The following CREB3L2 variants were observed in gnomAD, a reference collection of about 807,000 sequenced individuals.
CREB3L2 encodes the protein cyclic AMP-responsive element-binding protein 3-like protein 2.
CREB3L2 carries 23 observed loss-of-function variants against 57.2 expected under a neutral mutation model. That is an observed-to-expected ratio of 0.40 (90% CI 0.29 to 0.57). CREB3L2 has a LOEUF of 0.57. Among genes scored for constraint, CREB3L2 ranks in the 20% least tolerant of loss-of-function variants. The pLI, the probability that CREB3L2 is intolerant of heterozygous loss-of-function variation, is 0.42. For synonymous variants in CREB3L2, 268 were observed against 265.1 expected, an observed-to-expected ratio of 1.01 and a Z score of -0.11; for missense variants, 628 against 634.7, an observed-to-expected ratio of 0.99 and a Z score of 0.11.
At chr7:137,953,120 TTAAGAA>T (rs1379856806) in intron 1 of CREB3L2, among the ~76,000 whole-genome samples, 2 of 152,230 alleles carry the variant, frequency 1.3e-5, no homozygotes, top group South Asian at 2.1e-4. Flanking sequence ...CCCAGCCAGT[TTAAGAA>T]TATTTCAATC....
chr7:137,920,492 C>G (rs962240046), intron 2 of CREB3L2, among the ~76,000 whole-genome samples: 1 of 152,162 alleles, frequency 6.6e-6, no homozygotes. Flanking sequence ...CACACAGAAA[C>G]AGACAGGTAG....
chr7:137,927,801 A>AAG, intron 2 of CREB3L2, among the ~76,000 whole-genome samples: 1 of 150,562 alleles, frequency 6.6e-6, no homozygotes, highest in Non-Finnish European at 1.5e-5. Context: ...AAAAAAAAAA[A>AAG]ATGGCATGAC....
chr7:137,955,765 C>T (rs1011775508), intron 1 of CREB3L2, among the ~76,000 whole-genome samples: 2 of 152,162 alleles, frequency 1.3e-5, no homozygotes, highest in Middle Eastern at 3.2e-3. Context: ...TAATATGCCT[C>T]GTGTTCCATT....
intron 2 of CREB3L2, among the ~76,000 whole-genome samples, chr7:137,927,326 G>A (rs938606053): frequency 2.7e-5 from 4 of 146,638 alleles, no homozygotes; most frequent in African/African-American, 1.0e-4. Flanking sequence ...CAGGGAGGGA[G>A]CGAGAGGGAG....
chr7:137,935,659 G>A (rs569879728), intron 1 of CREB3L2, among the ~76,000 whole-genome samples: 1 of 152,226 alleles, frequency 6.6e-6, no homozygotes, highest in African/African-American at 2.4e-5. Flanking sequence ...ATCGTAGATA[G>A]TTGCTGCATT....
intron 8 of CREB3L2, among the ~76,000 whole-genome samples, chr7:137,886,036 C>A (rs1300335672): frequency 6.6e-6 from 1 of 152,202 alleles, no homozygotes; most frequent in East Asian, 1.9e-4. Flanking sequence ...CAGCAAGAAG[C>A]TGCTTTTTGT....
chr7:137,904,137 C>T, intron 6 of CREB3L2, 120 bp from the exon 7 acceptor site: 2 of 822,542 alleles, frequency 2.4e-6, no homozygotes, highest in African/African-American at 1.7e-5. Flanking sequence ...AAGCTGCTTG[C>T]CATTTGTTTA....
chr7:137,996,280 G>A (rs1412578534), intron 1 of CREB3L2, among the ~76,000 whole-genome samples: 1 of 152,206 alleles, frequency 6.6e-6, no homozygotes, highest in East Asian at 1.9e-4. Context: ...AAAATTTGAA[G>A]GGATGAAATT....
chr7:137,951,427 T>C (rs1264054679), intron 1 of CREB3L2, among the ~76,000 whole-genome samples: 4 of 152,208 alleles, frequency 2.6e-5, no homozygotes, highest in Non-Finnish European at 5.9e-5. Flanking sequence ...ATATACTGAT[T>C]AGTGATAAAA....
intron 1 of CREB3L2, among the ~76,000 whole-genome samples, chr7:137,965,108 C>T (rs1048070711): frequency 7.9e-5 from 12 of 152,208 alleles, no homozygotes; most frequent in South Asian, 6.2e-4. Flanking sequence ...GATTGTCCAA[C>T]CGGGGAAACA....
chr7:137,979,521 C>G (rs55697037), intron 1 of CREB3L2, among the ~76,000 whole-genome samples: 4 of 152,020 alleles, frequency 2.6e-5, no homozygotes, highest in African/African-American at 4.8e-5. Flanking sequence ...GTCAGGAGAT[C>G]GAGACCATCC....
At chr7:137,985,826 C>T (rs574728103) in intron 1 of CREB3L2, among the ~76,000 whole-genome samples, 1 of 152,162 alleles carries the variant, frequency 6.6e-6, no homozygotes, top group African/African-American at 2.4e-5. Flanking sequence ...CAAATCAATA[C>T]CAGGCGTTGA....
At chr7:137,955,391 C>A in intron 1 of CREB3L2, 2 of 1,006,142 alleles carry the variant, frequency 2.0e-6, no homozygotes, top group Non-Finnish European at 2.7e-6. Context: ...ATTAGTTCTT[C>A]AGCACGGCCA....
chr7:137,980,504 G>T lies in CREB3L2; in HGVS notation c.102+21100C>A, dbSNP rs537685955. On this transcript the variant is annotated intron_variant, in intron 1 of 11. Coordinates refer to ENST00000330387, the MANE Select transcript of CREB3L2 (RefSeq NM_194071.4). The surrounding 1 kb of genome is among the most constrained non-coding windows in gnomAD (Gnocchi z 4.3). ...TCAGTTAAAAAGGTTCCAAACTGGT[G>T]GGGGGCAACCCCAGGCCTAGACAAA... Among the ~76,000 whole-genome samples, 13 of 152,320 alleles carry T rather than the reference G, an allele frequency of 8.5e-5. No individual in the cohort carries two copies. In the South Asian group the frequency reaches 1.2e-3, roughly 15 times the overall value.
At chr7:137,917,047 C>T (rs1322378345) in intron 2 of CREB3L2, among the ~76,000 whole-genome samples, 3 of 152,172 alleles carry the variant, frequency 2.0e-5, no homozygotes, top group Admixed American at 6.5e-5. Context: ...CTCTGCTTAG[C>T]CCTTTGGGAG....
At chr7:137,882,330 C>T in intron 11 of CREB3L2, 82 bp downstream of exon 11, 1 of 1,060,886 alleles carries the variant, frequency 9.4e-7, no homozygotes, top group Non-Finnish European at 1.4e-6. Flanking sequence ...TATGGAGAGT[C>T]TCAACCTCAC....
At chr7:137,924,674 T>C (rs923780830) in intron 2 of CREB3L2, among the ~76,000 whole-genome samples, 1 of 152,218 alleles carries the variant, frequency 6.6e-6, no homozygotes, top group Non-Finnish European at 1.5e-5. Flanking sequence ...TTGTTGTTGT[T>C]GCCTTTTTTG....
At chr7:137,948,683 A>G (rs1034659060) in intron 1 of CREB3L2, among the ~76,000 whole-genome samples, 10 of 152,132 alleles carry the variant, frequency 6.6e-5, no homozygotes, top group Non-Finnish European at 1.2e-4. Flanking sequence ...TCTAGTTTCA[A>G]TTTTCCTACT....
chr7:137,875,806 C>G lies in CREB3L2; in HGVS notation c.*4670G>C. 1 of 224,474 alleles carries G rather than the reference C, an allele frequency of 4.5e-6. No homozygotes were observed. Among genetic ancestry groups the G allele is most frequent in the Non-Finnish European group, 8.9e-6 (1 of 112,508 alleles). 13.9% of individuals were successfully genotyped at this position (224,474 alleles called of 1,614,324 possible). A position where few individuals can be genotyped will look rare whatever the true frequency, so the allele number is the denominator to read the frequency against. ...AAGACTTAAAATTTACTTAGCACAG[C>G]ACGCAACACCCTAGTAAATGCTCAA... On this transcript the variant is annotated 3_prime_UTR_variant, in exon 12 of 12. Coordinates refer to ENST00000330387, the MANE Select transcript of CREB3L2 (RefSeq NM_194071.4).
Sources: allele counts gnomAD v4.1 joint callset (sites outside exome capture counted in the v4.1 genomes callset), GRCh38; gene constraint gnomAD v4.1.1; non-coding constraint Gnocchi (gnomAD v3.1); transcripts MANE v1.5; gene names NCBI Gene and HGNC (gene_info 2026-07-23, HGNC 2026-07-21).